Variants in NPSR1 observed in about 807,000 individuals in gnomAD.
The protein encoded by NPSR1 is neuropeptide S receptor.
Under a neutral mutation model 46.9 loss-of-function variants are expected in NPSR1, and 48 were observed. The observed-to-expected ratio is 1.02, with a 90% CI of 0.81 to 1.30. The LOEUF is 1.30. NPSR1 is among the 50% of genes most tolerant of loss of function. NPSR1 has a pLI of 0.00. For synonymous variants in NPSR1, 176 were observed against 168.1 expected (o/e 1.05, Z -0.36); for missense variants, 450 against 449.5 (o/e 1.00, Z -0.01).
rs182693958 is a variant in NPSR1, at chr7:34,819,293, C to T, written c.478+7430C>T. 2.0e-3 allele frequency among the ~76,000 whole-genome samples: 301 copies of T among 152,324 alleles called. 1 individual carries two copies. The highest frequency in any genetic ancestry group is 3.5e-3 in the Non-Finnish European group (236 of 68,012). ...CACTTCTGAAAAGAAGACATCTATG[C>T]AGCCAACAGACACATGAAAAAATGC... On this transcript the variant is annotated intron_variant, in intron 4 of 8. Coordinates refer to ENST00000360581, the MANE Select transcript of NPSR1 (RefSeq NM_207172.2).
intron 2 of NPSR1, among the ~76,000 whole-genome samples, chr7:34,736,972 G>A (rs564040913): frequency 2.0e-5 from 3 of 151,492 alleles, no homozygotes; most frequent in East Asian, 1.9e-4. Flanking sequence ...CCTACATCTC[G>A]CACTGCCCTG....
At chr7:34,664,589 G>T (rs897550365) in intron 1 of NPSR1, among the ~76,000 whole-genome samples, 5 of 149,836 alleles carry the variant, frequency 3.3e-5, no homozygotes, top group Admixed American at 6.6e-5. Context: ...CAATGGTCAT[G>T]AATTAAGCTG....
At chr7:34,844,647 C>T (rs1016570383) in intron 6 of NPSR1, among the ~76,000 whole-genome samples, 6 of 152,184 alleles carry the variant, frequency 3.9e-5, no homozygotes, top group African/African-American at 1.4e-4. Flanking sequence ...GGCCATCTGA[C>T]CAAGTCTCTT....
At chr7:34,839,954 T>G (rs144842538) in intron 6 of NPSR1, among the ~76,000 whole-genome samples, 4 of 152,244 alleles carry the variant, frequency 2.6e-5, no homozygotes, top group Non-Finnish European at 5.9e-5. Flanking sequence ...TCTAGTTGTG[T>G]GCCCTGGGGA....
At chr7:34,774,022 A>G (rs954570473) in intron 2 of NPSR1, among the ~76,000 whole-genome samples, 2 of 152,140 alleles carry the variant, frequency 1.3e-5, no homozygotes, top group Non-Finnish European at 2.9e-5. Context: ...CAGCTAGACT[A>G]TTGGCTACTG....
rs1480641740 is a variant in NPSR1, at chr7:34,790,724, T to TA, written c.384+12159_384+12160insA. Among the ~76,000 whole-genome samples, 4 of 112,820 alleles carry TA rather than the reference T, an allele frequency of 3.5e-5. 1 individual carries two copies. Among genetic ancestry groups the TA allele is most frequent in the African/African-American group, 1.4e-4 (4 of 29,506 alleles). 74.0% of individuals were successfully genotyped at this position (112,820 alleles called of 152,430 possible). A position where few individuals can be genotyped will look rare whatever the true frequency, so the allele number is the denominator to read the frequency against. On this transcript the variant is annotated intron_variant, in intron 3 of 8. Transcript: ENST00000360581. ...TGTTCTATGTTATATATAATATATG[T>TA]TATATGTTATATGTTATATATAATA...
intron 8 of NPSR1, among the ~76,000 whole-genome samples, chr7:34,877,646 G>A (rs754180221): frequency 7.2e-5 from 11 of 152,306 alleles, no homozygotes; most frequent in Non-Finnish European, 1.0e-4. Flanking sequence ...AGAGGCGGCC[G>A]TCAGGGTAGA....
At chr7:34,781,754 T>G (rs1351861316) in intron 3 of NPSR1, among the ~76,000 whole-genome samples, 1 of 152,148 alleles carries the variant, frequency 6.6e-6, no homozygotes, top group East Asian at 1.9e-4. Flanking sequence ...ATGGCCACCC[T>G]GGGAATGCCC....
At chr7:34,833,204 TAC>T (rs1224392787) in intron 5 of NPSR1, among the ~76,000 whole-genome samples, 1 of 152,228 alleles carries the variant, frequency 6.6e-6, no homozygotes, top group Non-Finnish European at 1.5e-5. Context: ...AGAGGGAAGA[TAC>T]ACAGTTTTAA....
At chr7:34,673,464 T>C in intron 1 of NPSR1, among the ~76,000 whole-genome samples, 1 of 152,166 alleles carries the variant, frequency 6.6e-6, no homozygotes, top group East Asian at 1.9e-4. Flanking sequence ...TCTGGATAAA[T>C]GCCTTTCCCT....
At chr7:34,663,074 T>TGTGTGTGTGTGTGTGTTTGTGA (rs1791548231) in intron 1 of NPSR1, among the ~76,000 whole-genome samples, 1 of 113,924 alleles carries the variant, frequency 8.8e-6, no homozygotes, top group African/African-American at 4.1e-5. Context: ...TCTCTGTGTG[T>TGTGTGTGTGTGTGTGTTTGTGA]GTGTGTGTAT....
intron 2 of NPSR1, among the ~76,000 whole-genome samples, chr7:34,694,983 C>T (rs1350750773): frequency 1.3e-5 from 2 of 152,162 alleles, no homozygotes; most frequent in African/African-American, 4.8e-5. Context: ...GCTGGGATTA[C>T]AGGTGTGAAC....
intron 1 of NPSR1, among the ~76,000 whole-genome samples, chr7:34,681,089 T>G (rs981143811): frequency 3.3e-5 from 5 of 152,166 alleles, no homozygotes; most frequent in African/African-American, 1.2e-4. Context: ...ACTCTTGATT[T>G]CTTCCACTTC....
chr7:34,849,042 T>C (rs1427858819), intron 8 of NPSR1, among the ~76,000 whole-genome samples: 4 of 152,254 alleles, frequency 2.6e-5, no homozygotes, highest in Admixed American at 2.0e-4. Context: ...GTTAATAGCA[T>C]CATTGAGTTT....
chr7:34,672,052 G>A (rs1002765182), intron 1 of NPSR1, among the ~76,000 whole-genome samples: 1 of 152,220 alleles, frequency 6.6e-6, no homozygotes, highest in Non-Finnish European at 1.5e-5. Context: ...TGGTTCCTAC[G>A]ACATTGTAGA....
At chr7:34,699,012 AAAGTC>A (rs1309371930) in intron 2 of NPSR1, among the ~76,000 whole-genome samples, 1 of 152,214 alleles carries the variant, frequency 6.6e-6, no homozygotes, top group African/African-American at 2.4e-5. Flanking sequence ...ATTAAGGAGA[AAAGTC>A]AAGATAAGCA....
At chr7:34,766,820 G>T (rs1055277948) in intron 2 of NPSR1, among the ~76,000 whole-genome samples, 1 of 152,100 alleles carries the variant, frequency 6.6e-6, no homozygotes, top group Admixed American at 6.5e-5. Flanking sequence ...TGATCCACCC[G>T]CCTCGGCCTC....
chr7:34,736,836 T>A (rs1784695585), intron 2 of NPSR1, among the ~76,000 whole-genome samples: 2 of 152,122 alleles, frequency 1.3e-5, no homozygotes, highest in Non-Finnish European at 2.9e-5. Flanking sequence ...AGAACTCAAA[T>A]AAGTCACAGA....
intron 3 of NPSR1, among the ~76,000 whole-genome samples, chr7:34,806,377 T>C (rs370102930): frequency 6.4e-4 from 97 of 152,208 alleles, no homozygotes; most frequent in African/African-American, 2.2e-3. Flanking sequence ...CATGGAGGAA[T>C]CTTAAATGCC....
Sources: allele counts gnomAD v4.1 joint callset (sites outside exome capture counted in the v4.1 genomes callset), GRCh38; gene constraint gnomAD v4.1.1; transcripts MANE v1.5; gene names NCBI Gene and HGNC (gene_info 2026-07-23, HGNC 2026-07-21).